The following SH3BGRL2 variants were observed in gnomAD, a reference collection of about 807,000 sequenced individuals.
SH3BGRL2 encodes the protein SH3 domain-binding glutamic acid-rich-like protein 2.
SH3BGRL2 carries 21 observed loss-of-function variants against 14.8 expected under a neutral mutation model. The ratio of observed to expected loss-of-function variants is 1.42; its 90% CI spans 1.01 to 2.05. The LOEUF is 2.05. Among genes scored for constraint, SH3BGRL2 ranks in the 30% most tolerant of loss-of-function variants. SH3BGRL2 has a pLI of 0.00. For synonymous variants in SH3BGRL2, 50 were observed against 47.8 expected, an observed-to-expected ratio of 1.05 and a Z score of -0.19; for missense variants, 147 against 130.8, an observed-to-expected ratio of 1.12 and a Z score of -0.61.
chr6:79,658,826 T>C (rs756128750), intron 1 of SH3BGRL2, among the ~76,000 whole-genome samples: 13 of 152,328 alleles, frequency 8.5e-5, no homozygotes, highest in Non-Finnish European at 1.2e-4. Context: ...CTTTTAATGA[T>C]TGCCATTCTA....
At chr6:79,604,548 C>T in the SH3BGRL2 span, among the ~76,000 whole-genome samples, 1 of 152,216 alleles carries the variant, frequency 6.6e-6, no homozygotes, top group Admixed American at 6.5e-5. Flanking sequence ...ACTGCATGGA[C>T]TCCTAATCCA....
At chr6:79,572,667 G>C in the SH3BGRL2 span, among the ~76,000 whole-genome samples, 203 of 151,836 alleles carry the variant, frequency 1.3e-3, no homozygotes, top group Middle Eastern at 6.8e-3. Context: ...GGGTTTCACT[G>C]TGTTAGCCAG....
At chr6:79,677,052 G>C (rs963460396) in intron 2 of SH3BGRL2, among the ~76,000 whole-genome samples, 3 of 152,146 alleles carry the variant, frequency 2.0e-5, no homozygotes, top group African/African-American at 7.2e-5. Context: ...CAAGAGTTTT[G>C]AGACAGTGTC....
chr6:79,621,896 C>T, the SH3BGRL2 span, among the ~76,000 whole-genome samples: 1 of 151,974 alleles, frequency 6.6e-6, no homozygotes, highest in Non-Finnish European at 1.5e-5. Flanking sequence ...TTTGCTTGTC[C>T]TCTTCTTTCT....
intron 2 of SH3BGRL2, among the ~76,000 whole-genome samples, chr6:79,693,040 T>A (rs1439096367): frequency 6.6e-6 from 1 of 152,070 alleles, no homozygotes; most frequent in Admixed American, 6.6e-5. Context: ...CATTGAGCAG[T>A]GGTTTGTAGT....
chr6:79,697,106 T>C (rs1770348119), intron 3 of SH3BGRL2, among the ~76,000 whole-genome samples: 2 of 152,302 alleles, frequency 1.3e-5, no homozygotes, highest in African/African-American at 4.8e-5. Flanking sequence ...AAATGATGTG[T>C]GTTATCACAA....
chr6:79,622,419 CTAAAACCAG>C, the SH3BGRL2 span, among the ~76,000 whole-genome samples: 1 of 152,310 alleles, frequency 6.6e-6, no homozygotes, highest in African/African-American at 2.4e-5. Flanking sequence ...ACTTTACTAT[CTAAAACCAG>C]AACAGTAATG....
chr6:79,587,036 G>A, the SH3BGRL2 span, among the ~76,000 whole-genome samples: 4 of 152,162 alleles, frequency 2.6e-5, no homozygotes, highest in African/African-American at 9.7e-5. Flanking sequence ...TAGACCCCCA[G>A]GTGGTCCTGA....
chr6:79,692,856 A>G (rs1286164891), intron 2 of SH3BGRL2, among the ~76,000 whole-genome samples: 2 of 152,142 alleles, frequency 1.3e-5, no homozygotes, highest in Non-Finnish European at 2.9e-5. Context: ...TTTTGGTTCC[A>G]TATGAACTTT....
chr6:79,619,608 G>A, the SH3BGRL2 span, among the ~76,000 whole-genome samples: 5 of 152,198 alleles, frequency 3.3e-5, no homozygotes, highest in Admixed American at 2.6e-4. Flanking sequence ...GACTCCTAGA[G>A]AATTCATCAC....
At chr6:79,577,913 A>C in the SH3BGRL2 span, among the ~76,000 whole-genome samples, 1 of 152,216 alleles carries the variant, frequency 6.6e-6, no homozygotes, top group African/African-American at 2.4e-5. Flanking sequence ...GGGCACTCCC[A>C]CCCAAATGCA....
the SH3BGRL2 span, among the ~76,000 whole-genome samples, chr6:79,595,488 A>G: frequency 6.6e-6 from 1 of 152,230 alleles, no homozygotes; most frequent in African/African-American, 2.4e-5. Context: ...AGTATTTCAG[A>G]GAAGAAAACA....
chr6:79,649,727 T>C (rs1335075056), intron 1 of SH3BGRL2, among the ~76,000 whole-genome samples: 1 of 152,180 alleles, frequency 6.6e-6, no homozygotes, highest in Non-Finnish European at 1.5e-5. Context: ...TTGATTGCCC[T>C]GGCTCTATAG....
At chr6:79,565,190 G>C in the SH3BGRL2 span, among the ~76,000 whole-genome samples, 1 of 152,046 alleles carries the variant, frequency 6.6e-6, no homozygotes, top group Non-Finnish European at 1.5e-5. Flanking sequence ...TTTATTCTCT[G>C]AATTTCAGTA....
intron 3 of SH3BGRL2, among the ~76,000 whole-genome samples, chr6:79,696,938 T>C (rs934492280): frequency 5.2e-4 from 79 of 152,154 alleles, no homozygotes; most frequent in African/African-American, 1.8e-3. Context: ...GTTTTAAATT[T>C]ACTTTCATTG....
At position 79,701,748 on chromosome 6, in the gene SH3BGRL2, G is replaced by A. The variant is rs1450400188; in HGVS notation, c.*2239G>A. On this transcript the variant is annotated 3_prime_UTR_variant, in exon 4 of 4. Transcript: ENST00000369838. Reference sequence around the variant, plus strand: ...ACAGAGTACCAAGATGTTGCCCTCTGGGACCACACTTAGCTCAGAGAATAT... The same window carrying A: ...ACAGAGTACCAAGATGTTGCCCTCTAGGACCACACTTAGCTCAGAGAATAT... 1 of 151,838 alleles carries A rather than the reference G, an allele frequency of 6.6e-6. No individual in the cohort carries two copies. The highest frequency in any genetic ancestry group is 1.9e-4 in the East Asian group (1 of 5,188). 9.4% of individuals were successfully genotyped at this position (151,838 alleles called of 1,614,324 possible). A position where few individuals can be genotyped will look rare whatever the true frequency, so the allele number is the denominator to read the frequency against.
chr6:79,565,514 A>G, the SH3BGRL2 span, among the ~76,000 whole-genome samples: 99 of 124,230 alleles, frequency 8.0e-4, no homozygotes, highest in African/African-American at 2.9e-3. Context: ...TTGGAGCACA[A>G]CTTTATAGTT....
the SH3BGRL2 span, among the ~76,000 whole-genome samples, chr6:79,541,107 G>C: frequency 3.5e-3 from 525 of 152,042 alleles, 3 homozygotes; most frequent in African/African-American, 0.012. Flanking sequence ...TACAAAATTA[G>C]CCAGACGTGG....
the SH3BGRL2 span, among the ~76,000 whole-genome samples, chr6:79,590,424 G>GATATATATAT: frequency 0.013 from 889 of 66,432 alleles, 34 homozygotes; most frequent in Non-Finnish European, 0.015. Context: ...AAGAAAATGT[G>GATATATATAT]ATATATATAT....
Sources: allele counts gnomAD v4.1 joint callset (sites outside exome capture counted in the v4.1 genomes callset), GRCh38; gene constraint gnomAD v4.1.1; transcripts MANE v1.5; gene names NCBI Gene and HGNC (gene_info 2026-07-23, HGNC 2026-07-21).